The following DGKI variants were observed in gnomAD, a reference collection of about 807,000 sequenced individuals.
DGKI encodes the protein diacylglycerol kinase iota.
In DGKI, 55 loss-of-function variants were observed where a neutral mutation model predicts 147.5. That is an observed-to-expected ratio of 0.37 (90% CI 0.30 to 0.47). The LOEUF is 0.47. Among genes scored for constraint, DGKI ranks in the 20% least tolerant of loss-of-function variants. DGKI has a pLI of 1.00. For synonymous variants in DGKI, 469 were observed against 477.1 expected (o/e 0.98, Z 0.22); for missense variants, 1,007 against 1,323.8 (o/e 0.76, Z 3.71).
chr7:137,501,495 T>C (rs369284121), intron 21 of DGKI, among the ~76,000 whole-genome samples: 1 of 152,314 alleles, frequency 6.6e-6, no homozygotes, highest in African/African-American at 2.4e-5. Context: ...ATCAACAGTG[T>C]AGAGTTTTAA....
At chr7:137,811,102 G>A (rs1335381239) in intron 1 of DGKI, among the ~76,000 whole-genome samples, 1 of 152,114 alleles carries the variant, frequency 6.6e-6, no homozygotes, top group Non-Finnish European at 1.5e-5. Context: ...CTGGAGCAAT[G>A]GTGTGCTATT....
At chr7:137,714,649 A>G (rs1258323164) in intron 1 of DGKI, among the ~76,000 whole-genome samples, 1 of 152,172 alleles carries the variant, frequency 6.6e-6, no homozygotes, top group African/African-American at 2.4e-5. Flanking sequence ...CCCTGAACAA[A>G]ACCCTGCTGT....
intron 10 of DGKI, 125 bp from the exon 11 acceptor site, chr7:137,600,030 T>TC: frequency 1.2e-6 from 1 of 805,814 alleles, no homozygotes; most frequent in Middle Eastern, 3.4e-4. Context: ...ACGCCTGTAA[T>TC]CCCAGCACCT....
chr7:137,771,067 CA>C (rs2116849478), intron 1 of DGKI, among the ~76,000 whole-genome samples: 1 of 152,086 alleles, frequency 6.6e-6, no homozygotes, highest in Non-Finnish European at 1.5e-5. Context: ...TTTATCTTTG[CA>C]ATTATATTCA....
At chr7:137,416,393 C>G (rs1217137803) in intron 28 of DGKI, among the ~76,000 whole-genome samples, 1 of 152,116 alleles carries the variant, frequency 6.6e-6, no homozygotes, top group Admixed American at 6.5e-5. Flanking sequence ...TTGAAAAATC[C>G]TCGCAAGATG....
chr7:137,582,843 G>A (rs904086355), intron 14 of DGKI, among the ~76,000 whole-genome samples: 9 of 152,112 alleles, frequency 5.9e-5, no homozygotes, highest in African/African-American at 1.7e-4. Context: ...TGGTTCTCCC[G>A]CTTTTCCTTC....
At chr7:137,577,638 A>G (rs530602495) in intron 16 of DGKI, among the ~76,000 whole-genome samples, 6 of 152,306 alleles carry the variant, frequency 3.9e-5, no homozygotes, top group Non-Finnish European at 8.8e-5. Context: ...ATTTGCTCTG[A>G]GTTTCACAGG....
chr7:137,706,567 AT>A (rs1794036972), intron 1 of DGKI, among the ~76,000 whole-genome samples: 1 of 133,260 alleles, frequency 7.5e-6, no homozygotes, highest in Non-Finnish European at 1.7e-5. Flanking sequence ...TTTATTTTTT[AT>A]TTTTATTTTT....
chr7:137,734,759 A>C (rs1794975389), intron 1 of DGKI, among the ~76,000 whole-genome samples: 1 of 152,084 alleles, frequency 6.6e-6, no homozygotes, highest in Admixed American at 6.6e-5. Context: ...ACTAAGCTTT[A>C]GGGCAATTTC....
intron 21 of DGKI, among the ~76,000 whole-genome samples, chr7:137,499,591 C>A (rs2128941789): frequency 6.6e-6 from 1 of 152,252 alleles, no homozygotes; most frequent in East Asian, 1.9e-4. Flanking sequence ...TCCATCTTCT[C>A]CTGCCCTTTG....
intron 1 of DGKI, among the ~76,000 whole-genome samples, chr7:137,826,599 G>C (rs1188845766): frequency 6.6e-6 from 1 of 152,232 alleles, no homozygotes; most frequent in Non-Finnish European, 1.5e-5. Context: ...AATAAATTCA[G>C]AACACACATT....
chr7:137,634,379 A>G (rs1283056470), intron 6 of DGKI, among the ~76,000 whole-genome samples: 1 of 152,192 alleles, frequency 6.6e-6, no homozygotes, highest in African/African-American at 2.4e-5. Context: ...CAATAGGAAA[A>G]TCAACACAGA....
rs563755609 is a variant in DGKI at position 137,810,797 on chromosome 7, G to A, written c.401+35665C>T. 2.2e-4 allele frequency among the ~76,000 whole-genome samples: 34 copies of A among 151,976 alleles called. 1 individual carries two copies. The South Asian group carries it at 6.3e-3, about 28-fold the overall frequency. On this transcript the variant is annotated intron_variant, in intron 1 of 32. Coordinates refer to ENST00000614521, the MANE Select transcript of DGKI (RefSeq NM_001321708.2). ...CAAATAAACATTCCATCCCACAAGT[G>A]ATACACATCACTTCCAATCACAACA...
intron 1 of DGKI, among the ~76,000 whole-genome samples, chr7:137,762,345 G>A (rs1795882890): frequency 6.6e-6 from 1 of 152,230 alleles, no homozygotes; most frequent in Admixed American, 6.5e-5. Flanking sequence ...GATCAGGTAA[G>A]TTTGGAAAAT....
intron 20 of DGKI, among the ~76,000 whole-genome samples, chr7:137,527,332 G>A (rs552874577): frequency 6.6e-6 from 1 of 152,202 alleles, no homozygotes; most frequent in East Asian, 1.9e-4. Context: ...TAATATCATA[G>A]CTGAAGCCAG....
At chr7:137,759,791 C>T (rs959100159) in intron 1 of DGKI, among the ~76,000 whole-genome samples, 12 of 152,266 alleles carry the variant, frequency 7.9e-5, no homozygotes, top group African/African-American at 2.9e-4. Context: ...TTCTCCCTTT[C>T]TTTCTCTGTT....
intron 21 of DGKI, chr7:137,493,943 A>T: frequency 1.8e-6 from 1 of 566,336 alleles, no homozygotes; most frequent in East Asian, 2.9e-5. Flanking sequence ...CAATAAAATG[A>T]TACAGCAGAT....
chr7:137,623,473 C>T lies in DGKI; in HGVS notation c.876+10G>A, dbSNP rs780788785. 5 of 1,613,028 alleles carry T rather than the reference C, an allele frequency of 3.1e-6. No individual in the cohort carries two copies. The highest frequency in any genetic ancestry group is 1.7e-5 in the Admixed American group (1 of 60,006). ...TGAGCCCACATTGCTTTATTTCATC[C>T]CAATCTTACCGCCTGCTTGCACCAG... On this transcript the variant is annotated intron_variant, in intron 7 of 32. Transcript: ENST00000614521.
chr7:137,423,493 C>A (rs987549847), intron 28 of DGKI, among the ~76,000 whole-genome samples: 17 of 152,128 alleles, frequency 1.1e-4, no homozygotes, highest in Admixed American at 5.2e-4. Flanking sequence ...CTGGTTTTAC[C>A]AAACATCAAG....
Sources: allele counts gnomAD v4.1 joint callset (sites outside exome capture counted in the v4.1 genomes callset), GRCh38; gene constraint gnomAD v4.1.1; transcripts MANE v1.5; gene names NCBI Gene and HGNC (gene_info 2026-07-23, HGNC 2026-07-21).